The following PCDH15 variants were observed in gnomAD, a reference collection of about 807,000 sequenced individuals.
PCDH15 encodes the protein protocadherin related 15.
In PCDH15, 129 loss-of-function variants were observed where a neutral mutation model predicts 178.5. The observed-to-expected ratio is 0.72, with a 90% CI of 0.63 to 0.84. PCDH15 has a LOEUF of 0.84. Among genes scored for constraint, PCDH15 ranks in the 40% least tolerant of loss-of-function variants. The pLI is 0.00. For synonymous variants in PCDH15, 800 were observed against 732.0 expected (o/e 1.09, Z -1.50); for missense variants, 2,230 against 2,099.9 (o/e 1.06, Z -1.21).
chr10:54,189,152 G>A (rs2048739468), intron 11 of PCDH15, among the ~76,000 whole-genome samples: 1 of 151,786 alleles, frequency 6.6e-6, no homozygotes, highest in Non-Finnish European at 1.5e-5. Flanking sequence ...AATAGATTAT[G>A]TAAATATTTT....
chr10:54,244,169 A>C (rs2055690631), intron 8 of PCDH15, among the ~76,000 whole-genome samples: 1 of 152,200 alleles, frequency 6.6e-6, no homozygotes, highest in Admixed American at 6.5e-5. Context: ...TGACCCCTCC[A>C]ATATCATACT....
chr10:54,651,965 T>C (rs560241660), intron 2 of PCDH15, among the ~76,000 whole-genome samples: 2 of 149,524 alleles, frequency 1.3e-5, no homozygotes, highest in South Asian at 4.2e-4. Flanking sequence ...TGAACTAAGA[T>C]TTCAATGACA....
intron 3 of PCDH15, among the ~76,000 whole-genome samples, chr10:54,842,640 G>C (rs1410846114): frequency 2.0e-5 from 3 of 151,846 alleles, no homozygotes; most frequent in Non-Finnish European, 4.4e-5. Context: ...TGTATTTGTG[G>C]ACTTTGTAGT....
intron 3 of PCDH15, among the ~76,000 whole-genome samples, chr10:54,863,169 G>C (rs756914676): frequency 3.3e-5 from 5 of 152,014 alleles, no homozygotes; most frequent in Non-Finnish European, 7.4e-5. Context: ...TTAATTTTAC[G>C]ATGGTAGCAT....
chr10:54,598,500 A>C (rs1166947084), intron 2 of PCDH15, among the ~76,000 whole-genome samples: 5 of 152,160 alleles, frequency 3.3e-5, no homozygotes, highest in Admixed American at 3.3e-4. Flanking sequence ...ATATATTGCA[A>C]ACCCACAGCC....
chr10:54,882,265 A>G (rs1443608421), intron 3 of PCDH15, among the ~76,000 whole-genome samples: 1 of 152,184 alleles, frequency 6.6e-6, no homozygotes, highest in East Asian at 1.9e-4. Context: ...CTTTGAGCTA[A>G]AATAAAGTTT....
At chr10:55,056,614 TTATTATTA>T (rs1841310769) in intron 2 of PCDH15, among the ~76,000 whole-genome samples, 11 of 64,270 alleles carry the variant, frequency 1.7e-4, no homozygotes, top group African/African-American at 9.4e-4. Context: ...TTTTGTTTTA[TTATTATTA>T]TTATTATTAT....
intron 1 of PCDH15, among the ~76,000 whole-genome samples, chr10:55,177,972 T>C (rs1839541349): frequency 6.6e-6 from 1 of 152,178 alleles, no homozygotes; most frequent in Non-Finnish European, 1.5e-5. Flanking sequence ...AGTGCTCAAC[T>C]AGTTCAGCTA....
chr10:54,887,482 A>G (rs796106895), intron 3 of PCDH15, among the ~76,000 whole-genome samples: 24 of 152,254 alleles, frequency 1.6e-4, no homozygotes, highest in African/African-American at 5.3e-4. Context: ...ATTCATTATA[A>G]TCAAATTTTA....
At chr10:55,016,023 G>A (rs969049367) in intron 2 of PCDH15, among the ~76,000 whole-genome samples, 16 of 150,008 alleles carry the variant, frequency 1.1e-4, no homozygotes, top group Non-Finnish European at 2.2e-4. Flanking sequence ...CATTCTACAA[G>A]GTTCCTTAAA....
intron 2 of PCDH15, among the ~76,000 whole-genome samples, chr10:54,556,571 C>T (rs560278144): frequency 7.0e-6 from 1 of 143,236 alleles, no homozygotes; most frequent in Admixed American, 7.1e-5. Context: ...GGAGAGATTA[C>T]AAAACACTTT....
In PCDH15 at chr10:55,098,911, A is replaced by AGAGAGAGAGAGAGAGAGAGAGAGAGAGT. The variant is rs1564796841; in HGVS notation, c.-80+67664_-80+67665insACTCTCTCTCTCTCTCTCTCTCTCTCTC. On this transcript the variant is annotated intron_variant, in intron 2 of 5. Transcript: ENST00000458638. ...AAACTTCAATGAGAGAGAGAGAGAG[A>AGAGAGAGAGAGAGAGAGAGAGAGAGAGT]GAGAGAGAGAGAGAGAGAGAGAGCT... Among the ~76,000 whole-genome samples, 94 of 141,476 alleles carry AGAGAGAGAGAGAGAGAGAGAGAGAGAGT rather than the reference A, an allele frequency of 6.6e-4. 1 individual carries two copies. The highest frequency in any genetic ancestry group is 9.4e-4 in the Non-Finnish European group (62 of 66,306). The allele number at this position is 141,476 out of a possible 152,430, so 92.8% of individuals were successfully genotyped here.
At position 54,074,906 on chromosome 10, in the gene PCDH15, C is replaced by T. The variant is rs147158716; in HGVS notation, c.2091+4425G>A. 9.1e-3 allele frequency among the ~76,000 whole-genome samples: 1,381 copies of T among 152,068 alleles called. 16 individuals are homozygous for T. Among genetic ancestry groups the T allele is most frequent in the African/African-American group, 0.032 (1,312 of 41,480 alleles). On this transcript the variant is annotated intron_variant, in intron 17 of 37. Coordinates refer to ENST00000644397, the MANE Select transcript of PCDH15 (RefSeq NM_001384140.1). ...GTTTTCTGTTTGTTTTTTATAATAG[C>T]GTCTCTACTGGGTGTGAGGTGGCAC...
At chr10:54,075,233 C>T (rs1227848619) in intron 17 of PCDH15, among the ~76,000 whole-genome samples, 1 of 151,854 alleles carries the variant, frequency 6.6e-6, no homozygotes, top group African/African-American at 2.4e-5. Flanking sequence ...AAAAAATAGC[C>T]AGGCATGGTG....
intron 20 of PCDH15, among the ~76,000 whole-genome samples, chr10:54,012,747 AG>A (rs2092628392): frequency 6.6e-6 from 1 of 152,218 alleles, no homozygotes; most frequent in Non-Finnish European, 1.5e-5. Context: ...GCAAATTCTA[AG>A]GGAATTTATT....
At chr10:54,434,245 AG>A (rs1832601246) in intron 3 of PCDH15, among the ~76,000 whole-genome samples, 1 of 123,760 alleles carries the variant, frequency 8.1e-6, no homozygotes, top group African/African-American at 2.7e-5. Context: ...TAATTACTGA[AG>A]AAAAAATTAA....
chr10:53,917,630 A>ATG (rs1409285090), intron 25 of PCDH15, among the ~76,000 whole-genome samples: 4 of 152,178 alleles, frequency 2.6e-5, no homozygotes, highest in African/African-American at 9.7e-5. Flanking sequence ...TATTAACACT[A>ATG]TGTTCTTTTT....
intron 3 of PCDH15, among the ~76,000 whole-genome samples, chr10:54,431,661 G>A (rs896921435): frequency 2.6e-5 from 4 of 152,142 alleles, no homozygotes; most frequent in African/African-American, 9.7e-5. Flanking sequence ...ACTGAATGGG[G>A]AAAACCTGAA....
intron 3 of PCDH15, among the ~76,000 whole-genome samples, chr10:54,412,363 G>T (rs940712541): frequency 4.0e-5 from 6 of 151,782 alleles, no homozygotes; most frequent in African/African-American, 1.5e-4. Context: ...AATAGCTTTT[G>T]CAAGAGATGT....
Sources: gnomAD v4.1 joint callset for allele counts (sites outside exome capture counted in the v4.1 genomes callset) on GRCh38, gnomAD v4.1.1 for gene constraint, MANE v1.5 for transcripts, NCBI Gene and HGNC (gene_info 2026-07-23, HGNC 2026-07-21) for gene names.